Variants in CRTAP observed in about 807,000 individuals in gnomAD.
The protein encoded by CRTAP is cartilage associated protein.
In CRTAP, 33 loss-of-function variants were observed where a neutral mutation model predicts 42.7. The observed-to-expected ratio is 0.77, with a 90% CI of 0.59 to 1.03. The LOEUF is 1.03. Among genes scored for constraint, CRTAP ranks in the 50% least tolerant of loss-of-function variants. The probability of loss-of-function intolerance (pLI) is 0.00; values close to 1 mark genes in which losing one functional copy is unlikely to be tolerated. For missense variants in CRTAP, 613 were observed against 533.9 expected (o/e 1.15, Z -1.46); for synonymous variants, 243 against 217.7 (o/e 1.12, Z -1.02).
In CRTAP at chr3:33,118,517, C is replaced by T. The variant is rs117739887; in HGVS notation, c.472-1827C>T. Among the ~76,000 whole-genome samples, 47 of 152,342 alleles carry T rather than the reference C, an allele frequency of 3.1e-4. No homozygotes were observed. In the East Asian group the frequency reaches 8.3e-3, roughly 27 times the overall value. ...ACCACCCACCACTTCTCTGATGTGGCCACTGCCATTGTCTCAAAATGACTT... is the reference window on the plus strand; with the variant it reads ...ACCACCCACCACTTCTCTGATGTGGTCACTGCCATTGTCTCAAAATGACTT... On this transcript the variant is annotated intron_variant, in intron 1 of 6. Transcript: ENST00000320954.
Position 33,146,873 on chromosome 3 carries a change from A to T in CRTAP, c.*4425A>T, listed in dbSNP as rs2125609379. The T allele has an allele frequency of 6.6e-6, 1 of 152,220 alleles. No homozygotes were observed. The highest frequency in any genetic ancestry group is 2.1e-4 in the South Asian group (1 of 4,822). 9.4% of individuals were successfully genotyped at this position (152,220 alleles called of 1,614,324 possible). A position where few individuals can be genotyped will look rare whatever the true frequency, so the allele number is the denominator to read the frequency against. On this transcript the variant is annotated 3_prime_UTR_variant, in exon 7 of 7. Coordinates refer to ENST00000320954, the MANE Select transcript of CRTAP (RefSeq NM_006371.5). ...TTTCTAGGTTTTAAATGTGAGCCGT[A>T]AACTGAAGCTACTTCAGTTAAAAAA...
intron 4 of CRTAP, among the ~76,000 whole-genome samples, chr3:33,131,405 C>G (rs1317618007): frequency 3.9e-5 from 6 of 152,212 alleles, no homozygotes; most frequent in Non-Finnish European, 8.8e-5. Context: ...CTGAGCATGG[C>G]TTGGTTCTAA....
intron 1 of CRTAP, among the ~76,000 whole-genome samples, chr3:33,119,051 GT>G (rs1701381777): frequency 6.6e-6 from 1 of 152,056 alleles, no homozygotes; most frequent in Admixed American, 6.5e-5. Flanking sequence ...CCTCAAACCT[GT>G]CAGGCTCTTT....
At chr3:33,142,342 CT>C (rs1575521192) in intron 6 of CRTAP, 52 bp from the exon 7 acceptor site, 1 of 1,500,112 alleles carries the variant, frequency 6.7e-7, no homozygotes, top group Non-Finnish European at 9.3e-7. Context: ...CTCATCAGTA[CT>C]TTTAAAAGTC....
At chr3:33,123,519 A>G (rs2029956271) in intron 2 of CRTAP, among the ~76,000 whole-genome samples, 1 of 151,940 alleles carries the variant, frequency 6.6e-6, no homozygotes, top group Non-Finnish European at 1.5e-5. Context: ...CCGTGATTGT[A>G]AGTTTCCTGA....
At chr3:33,139,181 T>C (rs911531844) in intron 6 of CRTAP, among the ~76,000 whole-genome samples, 3 of 151,984 alleles carry the variant, frequency 2.0e-5, no homozygotes, top group Non-Finnish European at 4.4e-5. Flanking sequence ...TGCACATCTG[T>C]AATCCTAGCT....
intron 5 of CRTAP, among the ~76,000 whole-genome samples, chr3:33,133,219 C>T (rs1018367488): frequency 2.0e-5 from 3 of 151,368 alleles, no homozygotes; most frequent in Non-Finnish European, 4.4e-5. Flanking sequence ...CTTTCTCTCT[C>T]GGAAAACAAA....
intron 6 of CRTAP, among the ~76,000 whole-genome samples, chr3:33,141,270 A>C (rs2030563641): frequency 6.6e-6 from 1 of 152,236 alleles, no homozygotes; most frequent in Admixed American, 6.5e-5. Flanking sequence ...AGCAGGATAT[A>C]GTAACTCCCT....
chr3:33,142,662 A>AC lies in CRTAP; in HGVS notation c.*216dup. 1 of 539,354 alleles carries AC rather than the reference A, an allele frequency of 1.9e-6. No homozygotes were observed. The highest frequency in any genetic ancestry group is 3.3e-6 in the Non-Finnish European group (1 of 299,274). 33.4% of individuals were successfully genotyped at this position (539,354 alleles called of 1,614,324 possible). On this transcript the variant is annotated 3_prime_UTR_variant, in exon 7 of 7. Coordinates refer to ENST00000320954, the MANE Select transcript of CRTAP (RefSeq NM_006371.5). ...CCTCATGTTCACACCTATCTTTCTCACCTTTTTTTTGAGATGGAGTCTCGC... is the reference window on the plus strand; with the variant it reads ...CCTCATGTTCACACCTATCTTTCTCACCCTTTTTTTTGAGATGGAGTCTCGC...
intron 6 of CRTAP, among the ~76,000 whole-genome samples, chr3:33,140,449 T>C (rs755443578): frequency 2.0e-5 from 3 of 152,220 alleles, no homozygotes; most frequent in Non-Finnish European, 4.4e-5. Flanking sequence ...TGGCAAGTAA[T>C]ACTTTGAAAT....
intron 2 of CRTAP, 127 bp downstream of exon 2, chr3:33,120,620 C>G: frequency 7.2e-7 from 1 of 1,385,434 alleles, no homozygotes; most frequent in Non-Finnish European, 9.9e-7. Flanking sequence ...AATATTATGA[C>G]AATAGAAATG....
Position 33,147,359 on chromosome 3 carries a change from A to G in CRTAP, c.*4911A>G, listed in dbSNP as rs1338506724. The G allele has an allele frequency of 6.5e-6, 1 of 152,716 alleles. No individual in the cohort carries two copies. Among genetic ancestry groups the G allele is most frequent in the African/African-American group, 2.4e-5 (1 of 41,474 alleles). The allele number at this position is 152,716 out of a possible 1,614,324, so 9.5% of individuals were successfully genotyped here. On this transcript the variant is annotated 3_prime_UTR_variant, in exon 7 of 7. Coordinates refer to ENST00000320954, the MANE Select transcript of CRTAP (RefSeq NM_006371.5). ...ATCAAGAGCAGCTATTGTTATCCTT[A>G]GAGTGTTTTCCGTCTAGGGCCGGCT... is the stretch of plus-strand genomic sequence containing the variant.
In CRTAP at chr3:33,146,878, G is replaced by A. The variant is rs1236152482; in HGVS notation, c.*4430G>A. The A allele has an allele frequency of 6.6e-6, 1 of 151,184 alleles. No homozygotes were observed. Among genetic ancestry groups the A allele is most frequent in the East Asian group, 1.9e-4 (1 of 5,180 alleles). The allele number at this position is 151,184 out of a possible 1,614,324, so 9.4% of individuals were successfully genotyped here. Reference sequence around the variant, plus strand: ...AGGTTTTAAATGTGAGCCGTAAACTGAAGCTACTTCAGTTAAAAAAAAAAA... The same window carrying A: ...AGGTTTTAAATGTGAGCCGTAAACTAAAGCTACTTCAGTTAAAAAAAAAAA... On this transcript the variant is annotated 3_prime_UTR_variant, in exon 7 of 7. Transcript: ENST00000320954.
intron 1 of CRTAP, among the ~76,000 whole-genome samples, chr3:33,115,708 G>C (rs903771868): frequency 6.6e-6 from 1 of 151,916 alleles, no homozygotes; most frequent in Non-Finnish European, 1.5e-5. Context: ...TGAGGTAGAA[G>C]GTTTTTGTTT....
At chr3:33,118,086 G>A (rs1176745243) in intron 1 of CRTAP, among the ~76,000 whole-genome samples, 4 of 151,896 alleles carry the variant, frequency 2.6e-5, no homozygotes, top group African/African-American at 7.3e-5. Flanking sequence ...TCAGCCTCCC[G>A]AGTAGCTGGG....
chr3:33,118,056 G>A (rs1331546350), intron 1 of CRTAP, among the ~76,000 whole-genome samples: 2 of 152,038 alleles, frequency 1.3e-5, no homozygotes, highest in Non-Finnish European at 2.9e-5. Context: ...CGCCCCCCGG[G>A]TTCAAGTGAT....
intron 1 of CRTAP, among the ~76,000 whole-genome samples, chr3:33,117,534 A>G (rs1467324507): frequency 1.3e-5 from 2 of 152,210 alleles, no homozygotes; most frequent in Non-Finnish European, 2.9e-5. Flanking sequence ...TCATAGGCCA[A>G]GCAAAAAGTA....
Position 33,114,312 on chromosome 3 carries a change from G to C in CRTAP, c.235G>C (p.Asp79His), listed in dbSNP as rs375833342. 2.5e-5 allele frequency: 39 copies of C among 1,551,516 alleles called. No homozygotes were observed. The African/African-American group carries it at 4.9e-4, about 19-fold the overall frequency. The change falls in exon 1 of 7, where the codon GAC (aspartate) becomes CAC (histidine). Residue 79 changes from aspartate to histidine, a missense_variant. Asp to His is a moderately conservative substitution (Grantham distance 81). Transcript: ENST00000320954. ...CCTGCGGCTGCACCGCTTGCTGCGC[G>C]ACAGCGAGGCCTTCTGCCACCGCAA... The part of the protein sequence containing the change: ...ISLRLHRLLR[D>H]SEAFCHRNCS...
rs1339802633 is a variant in CRTAP, at chr3:33,147,045, G to C, written c.*4597G>C. The C allele has an allele frequency of 2.0e-5, 3 of 152,704 alleles. No homozygotes were observed. Among genetic ancestry groups the C allele is most frequent in the African/African-American group, 7.2e-5 (3 of 41,456 alleles). 9.5% of individuals were successfully genotyped at this position (152,704 alleles called of 1,614,324 possible). ...AACTAATCCTTCATCGCAGCTGTCT[G>C]AACTCTTGATCATCTGCCATCCCCC... On this transcript the variant is annotated 3_prime_UTR_variant, in exon 7 of 7. Transcript: ENST00000320954.
Sources: allele counts gnomAD v4.1 joint callset (sites outside exome capture counted in the v4.1 genomes callset), GRCh38; gene constraint gnomAD v4.1.1; transcripts MANE v1.5; gene names NCBI Gene and HGNC (gene_info 2026-07-23, HGNC 2026-07-21).